Variants in TUSC3 observed in about 807,000 individuals in gnomAD.
TUSC3 encodes the protein dolichyl-diphosphooligosaccharide--protein glycosyltransferase subunit TUSC3.
A neutral mutation model predicts 44.8 loss-of-function variants in TUSC3; 45 were observed. The observed-to-expected ratio is 1.00, with a 90% CI of 0.79 to 1.29. TUSC3 has a LOEUF of 1.29. TUSC3 is among the 50% of genes most tolerant of loss of function. The pLI is 0.00. For missense variants in TUSC3, 519 were observed against 437.9 expected (o/e 1.19, Z -1.65); for synonymous variants, 212 against 152.9 (o/e 1.39, Z -2.85).
intron 10 of TUSC3, among the ~76,000 whole-genome samples, chr8:15,759,566 C>G (rs947201294): frequency 6.6e-6 from 1 of 152,062 alleles, no homozygotes; most frequent in Non-Finnish European, 1.5e-5. Flanking sequence ...AACAAACAAG[C>G]TTTTGATATA....
intron 1 of TUSC3, among the ~76,000 whole-genome samples, chr8:15,602,666 A>ATGTGTGTGTGTGTG (rs60206119): frequency 6.9e-6 from 1 of 145,872 alleles, no homozygotes; most frequent in African/African-American, 2.5e-5. Context: ...AAATATTTAT[A>ATGTGTGTGTGTGTG]TGTGTGTGTG....
At chr8:15,627,897 C>A (rs1053760560) in intron 2 of TUSC3, among the ~76,000 whole-genome samples, 1 of 152,178 alleles carries the variant, frequency 6.6e-6, no homozygotes, top group Non-Finnish European at 1.5e-5. Context: ...GTGGAGACTG[C>A]CAGTCTGAGT....
chr8:15,485,493 G>A (rs1242101249), intron 2 of TUSC3, among the ~76,000 whole-genome samples: 1 of 140,418 alleles, frequency 7.1e-6, no homozygotes, highest in African/African-American at 2.7e-5. Context: ...GTGACACAGA[G>A]TTCTTGTCAC....
At chr8:15,639,809 A>T (rs1406394592) in intron 2 of TUSC3, among the ~76,000 whole-genome samples, 1 of 131,214 alleles carries the variant, frequency 7.6e-6, no homozygotes, top group Non-Finnish European at 1.6e-5. Context: ...ACCCATGAGG[A>T]TGACTTAGTA....
At chr8:15,680,682 G>T (rs965772427) in intron 6 of TUSC3, among the ~76,000 whole-genome samples, 2 of 152,018 alleles carry the variant, frequency 1.3e-5, no homozygotes, top group East Asian at 3.9e-4. Context: ...AGGGAGAATG[G>T]TTCCAGCTTT....
chr8:15,564,508 A>G (rs193235771), intron 1 of TUSC3, among the ~76,000 whole-genome samples: 3 of 152,238 alleles, frequency 2.0e-5, no homozygotes, highest in East Asian at 3.9e-4. Flanking sequence ...TGCAGTGTCT[A>G]TTTGAACACA....
chr8:15,786,199 C>G, the TUSC3 span, among the ~76,000 whole-genome samples: 11 of 152,188 alleles, frequency 7.2e-5, no homozygotes, highest in Non-Finnish European at 1.3e-4. Context: ...AAAGAGACCA[C>G]TGCAACTTCA....
intron 1 of TUSC3, among the ~76,000 whole-genome samples, chr8:15,602,604 C>G (rs1206503091): frequency 2.0e-5 from 3 of 150,538 alleles, no homozygotes; most frequent in Non-Finnish European, 3.0e-5. Context: ...ATTGCCTAAT[C>G]TTGTTGAATG....
intron 1 of TUSC3, among the ~76,000 whole-genome samples, chr8:15,622,516 C>T (rs1396875688): frequency 3.9e-5 from 6 of 152,138 alleles, no homozygotes; most frequent in East Asian, 1.9e-4. Context: ...AGCCCAGTTC[C>T]ACCTGTGCTG....
intron 1 of TUSC3, among the ~76,000 whole-genome samples, chr8:15,615,272 C>G (rs559128178): frequency 6.6e-6 from 1 of 152,144 alleles, no homozygotes; most frequent in African/African-American, 2.4e-5. Context: ...GAATGTTATT[C>G]AGCTGTAAGA....
chr8:15,625,336 C>G (rs996965331), intron 2 of TUSC3, among the ~76,000 whole-genome samples: 1 of 152,020 alleles, frequency 6.6e-6, no homozygotes, highest in African/African-American at 2.4e-5. Flanking sequence ...GTTTTGGTAT[C>G]AGGGTAATAT....
chr8:15,604,016 G>C (rs957198995), intron 1 of TUSC3, among the ~76,000 whole-genome samples: 3 of 151,526 alleles, frequency 2.0e-5, no homozygotes, highest in African/African-American at 7.3e-5. Flanking sequence ...ATTATTAAGA[G>C]AAATGGAAAA....
chr8:15,461,242 C>A lies in TUSC3; in HGVS notation n.92-22144C>A, dbSNP rs144099634. ...TTTTTCTTGTAGAGGTCTTTCGCCT[C>A]CTTGTTTAGGTATATTCCTAAGTGT... On this transcript the variant is annotated intron_variant and non_coding_transcript_variant, in intron 1 of 5. Transcript: ENST00000503191. 3.2e-3 allele frequency among the ~76,000 whole-genome samples: 489 copies of A among 152,016 alleles called. 1 individual carries two copies. Among genetic ancestry groups the A allele is most frequent in the African/African-American group, 0.011 (475 of 41,484 alleles).
chr8:15,787,136 G>C, the TUSC3 span, among the ~76,000 whole-genome samples: 1 of 151,896 alleles, frequency 6.6e-6, no homozygotes, highest in Non-Finnish European at 1.5e-5. Flanking sequence ...GTAAAATCAG[G>C]CTGCCAATTA....
chr8:15,597,071 A>T (rs1804104004), intron 1 of TUSC3, among the ~76,000 whole-genome samples: 1 of 152,092 alleles, frequency 6.6e-6, no homozygotes, highest in South Asian at 2.1e-4. Flanking sequence ...GAATGTCAGC[A>T]GGGGTGGTAC....
chr8:15,519,578 T>C (rs1383651929), intron 2 of TUSC3, among the ~76,000 whole-genome samples: 3 of 152,102 alleles, frequency 2.0e-5, no homozygotes, highest in Non-Finnish European at 2.9e-5. Context: ...TATTGTGAAC[T>C]GTGCACCTGA....
At chr8:15,606,108 C>A (rs968399445) in intron 1 of TUSC3, among the ~76,000 whole-genome samples, 2 of 151,918 alleles carry the variant, frequency 1.3e-5, no homozygotes, top group Non-Finnish European at 2.9e-5. Flanking sequence ...TGGAGGTGCT[C>A]CCAAGAAGCA....
intron 1 of TUSC3, among the ~76,000 whole-genome samples, chr8:15,455,777 A>G (rs56391625): frequency 0.21 from 32,650 of 152,166 alleles, 3,940 homozygotes; most frequent in Middle Eastern, 0.31. Flanking sequence ...CAAGGTAACT[A>G]CGGGAGATAC....
chr8:15,812,599 G>A, the TUSC3 span, among the ~76,000 whole-genome samples: 2 of 152,052 alleles, frequency 1.3e-5, no homozygotes, highest in Non-Finnish European at 2.9e-5. Context: ...TGAACTCAAC[G>A]GCTGCCACTT....
Sources: gnomAD v4.1 joint callset for allele counts (sites outside exome capture counted in the v4.1 genomes callset) on GRCh38, gnomAD v4.1.1 for gene constraint, MANE v1.5 for transcripts, NCBI Gene and HGNC (gene_info 2026-07-23, HGNC 2026-07-21) for gene names.